RPTOR: variants seen among roughly 807,000 people sequenced by gnomAD.
The protein encoded by RPTOR is regulatory associated protein of MTOR complex 1.
A neutral mutation model predicts 169.9 loss-of-function variants in RPTOR; 21 were observed. The observed-to-expected ratio is 0.12, with a 90% CI of 0.09 to 0.18. The LOEUF (loss-of-function observed/expected upper bound fraction) is 0.18. RPTOR is among the 10% of genes least tolerant of loss of function. The probability of loss-of-function intolerance (pLI) is 1.00; values close to 1 mark genes in which losing one functional copy is unlikely to be tolerated. For missense variants in RPTOR, 1,133 were observed against 1,855.9 expected, an observed-to-expected ratio of 0.61 and a Z score of 7.16; for synonymous variants, 732 against 753.2, an observed-to-expected ratio of 0.97 and a Z score of 0.46.
chr17:80,643,247 G>T (rs1406581323), intron 2 of RPTOR, among the ~76,000 whole-genome samples: 2 of 150,004 alleles, frequency 1.3e-5, no homozygotes, highest in African/African-American at 5.0e-5. Context: ...ATGTACATTT[G>T]TGAAACGGAT....
At chr17:80,935,982 A>T (rs1418734564) in intron 24 of RPTOR, among the ~76,000 whole-genome samples, 1 of 152,264 alleles carries the variant, frequency 6.6e-6, no homozygotes, top group Non-Finnish European at 1.5e-5. Flanking sequence ...TGTGGCTGTT[A>T]TACATAACCC....
intron 3 of RPTOR, among the ~76,000 whole-genome samples, chr17:80,664,017 G>A (rs1424062756): frequency 3.9e-5 from 6 of 152,176 alleles, no homozygotes; most frequent in African/African-American, 1.4e-4. Context: ...TGGTGGCTGA[G>A]ACAGAAACCT....
intron 20 of RPTOR, among the ~76,000 whole-genome samples, chr17:80,908,409 C>G (rs2068571219): frequency 6.6e-6 from 1 of 152,172 alleles, no homozygotes. Flanking sequence ...ACGTGCTGAA[C>G]TTGGTGCAGT....
At chr17:80,694,625 G>A (rs1402452834) in intron 3 of RPTOR, among the ~76,000 whole-genome samples, 1 of 152,228 alleles carries the variant, frequency 6.6e-6, no homozygotes, top group Non-Finnish European at 1.5e-5. Flanking sequence ...CATATGGAGT[G>A]TCTGGGAACC....
At chr17:80,866,973 C>G (rs371350849) in intron 13 of RPTOR, among the ~76,000 whole-genome samples, 1 of 152,136 alleles carries the variant, frequency 6.6e-6, no homozygotes, top group Non-Finnish European at 1.5e-5. Flanking sequence ...TTAAGGAAGA[C>G]GTATTTGGAT....
chr17:80,692,523 G>C (rs945987179), intron 3 of RPTOR, among the ~76,000 whole-genome samples: 1 of 152,190 alleles, frequency 6.6e-6, no homozygotes, highest in Admixed American at 6.5e-5. Flanking sequence ...GTTTCTCCAT[G>C]TTGGTCAGGC....
At chr17:80,857,692 G>C (rs2067869170) in intron 12 of RPTOR, 98 bp from the exon 13 acceptor site, 1 of 741,562 alleles carries the variant, frequency 1.3e-6, no homozygotes, top group Admixed American at 2.0e-5. Context: ...TCCCATATGT[G>C]CTGAAGATAG....
rs568898473 is a variant in RPTOR, at chr17:80,842,063, G to A, written c.1212+4066G>A. On this transcript the variant is annotated intron_variant, in intron 10 of 33. Coordinates refer to ENST00000306801, the MANE Select transcript of RPTOR (RefSeq NM_020761.3). ...CCACACGGCAGCTCACACTCACGGC[G>A]CTGCAGCTCACATTCATTGCAAGGT... Among the ~76,000 whole-genome samples, 34 of 151,680 alleles carry A rather than the reference G, an allele frequency of 2.2e-4. No individual in the cohort carries two copies. The South Asian group carries it at 2.7e-3, about 12-fold the overall frequency.
chr17:80,799,186 T>C (rs1007220328), intron 7 of RPTOR, among the ~76,000 whole-genome samples: 9 of 152,232 alleles, frequency 5.9e-5, no homozygotes, highest in African/African-American at 2.2e-4. Flanking sequence ...AATTATAGTT[T>C]TAAGACCAGG....
chr17:80,911,300 G>T (rs1027130917), intron 21 of RPTOR, among the ~76,000 whole-genome samples: 4 of 152,214 alleles, frequency 2.6e-5, no homozygotes, highest in Non-Finnish European at 2.9e-5. Context: ...ACCGTGTGGT[G>T]TGGCCAGCTG....
At chr17:80,914,353 C>A (rs1433978776) in intron 21 of RPTOR, among the ~76,000 whole-genome samples, 4 of 152,282 alleles carry the variant, frequency 2.6e-5, no homozygotes, top group Non-Finnish European at 5.9e-5. Flanking sequence ...CGGGAGCAGG[C>A]AGGAACCCCA....
At chr17:80,691,892 G>A (rs960052948) in intron 3 of RPTOR, among the ~76,000 whole-genome samples, 4 of 152,190 alleles carry the variant, frequency 2.6e-5, no homozygotes, top group African/African-American at 7.2e-5. Context: ...GGGTCCTACA[G>A]CTGTATCTGC....
intron 25 of RPTOR, among the ~76,000 whole-genome samples, chr17:80,943,322 G>A (rs1568001494): frequency 6.6e-6 from 1 of 151,970 alleles, no homozygotes; most frequent in Non-Finnish European, 1.5e-5. Context: ...TTCTGTTGTA[G>A]GACTTTTTAA....
chr17:80,580,453 C>T (rs1038907033), intron 1 of RPTOR, among the ~76,000 whole-genome samples: 1 of 152,176 alleles, frequency 6.6e-6, no homozygotes, highest in Non-Finnish European at 1.5e-5. Context: ...TTGAAAATAC[C>T]TTTGCAATTA....
rs1299221217 is a variant in RPTOR at position 80,755,755 on chromosome 17, A to G, written c.830+1570A>G. Among the ~76,000 whole-genome samples, 40 of 151,338 alleles carry G rather than the reference A, an allele frequency of 2.6e-4. 2 individuals are homozygous for G. The highest frequency in any genetic ancestry group is 1.4e-3 in the East Asian group (7 of 5,120). On this transcript the variant is annotated intron_variant, in intron 6 of 33. Coordinates refer to ENST00000306801, the MANE Select transcript of RPTOR (RefSeq NM_020761.3). Reference sequence around the variant, plus strand: ...CCCTGTCTCAAAAAAAAAAAAAAAAAAAAGAAACAAAAAAAGAGGGGAGAG... The same window carrying G: ...CCCTGTCTCAAAAAAAAAAAAAAAAGAAAGAAACAAAAAAAGAGGGGAGAG...
chr17:80,723,334 G>T (rs897147401), intron 4 of RPTOR, among the ~76,000 whole-genome samples: 3 of 151,136 alleles, frequency 2.0e-5, no homozygotes, highest in Admixed American at 6.6e-5. Context: ...GTGTTCTAAT[G>T]GTGGTGCTGT....
At chr17:80,714,745 G>C (rs115148337) in intron 4 of RPTOR, among the ~76,000 whole-genome samples, 1 of 151,788 alleles carries the variant, frequency 6.6e-6, no homozygotes, top group South Asian at 2.1e-4. Flanking sequence ...TTTTTGAAAC[G>C]GAGTCTCTCG....
intron 20 of RPTOR, among the ~76,000 whole-genome samples, chr17:80,905,893 C>G (rs945732489): frequency 6.6e-6 from 1 of 152,174 alleles, no homozygotes; most frequent in Non-Finnish European, 1.5e-5. Context: ...TCCTCACCCC[C>G]GGGTCTTGTG....
chr17:80,637,638 A>C (rs2065518473), intron 2 of RPTOR, among the ~76,000 whole-genome samples: 1 of 152,222 alleles, frequency 6.6e-6, no homozygotes, highest in Non-Finnish European at 1.5e-5. Context: ...GTGGCAGCAG[A>C]GTGCGGATGA....
Sources: allele counts gnomAD v4.1 joint callset (sites outside exome capture counted in the v4.1 genomes callset), GRCh38; gene constraint gnomAD v4.1.1; transcripts MANE v1.5; gene names NCBI Gene and HGNC (gene_info 2026-07-23, HGNC 2026-07-21).